The following AMPD2 variants were observed in gnomAD, a reference collection of about 807,000 sequenced individuals.
AMPD2 encodes adenosine monophosphate deaminase 2, also known as AMP deaminase 2.
In AMPD2, 52 loss-of-function variants were observed where a neutral mutation model predicts 91.3. The ratio of observed to expected loss-of-function variants is 0.57; its 90% CI spans 0.46 to 0.72. The LOEUF (loss-of-function observed/expected upper bound fraction) is 0.72, where lower values mean the gene tolerates loss of function less well. Among genes scored for constraint, AMPD2 ranks in the 30% least tolerant of loss-of-function variants. AMPD2 has a pLI of 0.00. For synonymous variants in AMPD2, 455 were observed against 456.4 expected, an observed-to-expected ratio of 1.00 and a Z score of 0.04; for missense variants, 822 against 1,122.3, an observed-to-expected ratio of 0.73 and a Z score of 3.82.
At position 109,631,768 on chromosome 1, in the gene AMPD2, G is replaced by C. The variant is rs1044846902; in HGVS notation, c.*616G>C. On this transcript the variant is annotated 3_prime_UTR_variant, in exon 19 of 19. Coordinates refer to ENST00000528667, the MANE Select transcript of AMPD2 (RefSeq NM_001368809.2). The stretch of plus-strand genomic sequence containing the variant: ...AAGTCACTGCCCAGCAGCCTTCTCC[G>C]TCCTGTCCCCAGCCCACGTGCTCCT... The C allele has an allele frequency of 6.4e-6, 1 of 157,372 alleles. No homozygotes were observed. The highest frequency in any genetic ancestry group is 2.4e-5 in the African/African-American group (1 of 41,470). The allele number at this position is 157,372 out of a possible 1,614,324, so 9.7% of individuals were successfully genotyped here. A position where few individuals can be genotyped will look rare whatever the true frequency, so the allele number is the denominator to read the frequency against.
intron 2 of AMPD2, among the ~76,000 whole-genome samples, chr1:109,621,611 A>T (rs944004767): frequency 4.6e-5 from 7 of 151,948 alleles, no homozygotes; most frequent in Non-Finnish European, 1.0e-4. Context: ...TGTGGGACTG[A>T]CTGTTTTGTG....
rs1398038490 is a variant in AMPD2, at chr1:109,626,327, A to G, written c.431A>G (p.Lys144Arg). 8.1e-6 allele frequency: 13 copies of G among 1,613,346 alleles called. No individual in the cohort carries two copies. The highest frequency in any genetic ancestry group is 1.0e-5 in the Non-Finnish European group (12 of 1,179,596). The stretch of plus-strand genomic sequence containing the variant: ...GAATGCACCCCCTGCAGGCTCTACA[A>G]GGAACAGGGTGAGGGGCAGGGTGAC... Reference protein sequence around the residue: ...TDSDSDLQLYKEQGEGQGDRS... With the variant: ...TDSDSDLQLYREQGEGQGDRS... The change falls in exon 6 of 19, where the codon AAG becomes AGG. Residue 144 changes from lysine to arginine, a missense_variant. Lys to Arg is a conservative substitution (Grantham distance 26). Around this residue, in one of 5 missense-constraint regions of AMPD2, gnomAD observed 240 missense variants for 270.3 expected, o/e 0.89. Coordinates refer to ENST00000528667, the MANE Select transcript of AMPD2 (RefSeq NM_001368809.2).
chr1:109,620,260 T>C lies in AMPD2; in HGVS notation c.-281T>C, dbSNP rs763826931. 8 of 1,613,940 alleles carry C rather than the reference T, an allele frequency of 5.0e-6. No individual in the cohort carries two copies. In the Admixed American group the frequency reaches 6.7e-5, roughly 13 times the overall value. ...CTCGTGGGCAGCCTCCCCTCGGAACTCGGGCATCATGGCCTCAGGTGAGTG... is the reference window on the plus strand; with the variant it reads ...CTCGTGGGCAGCCTCCCCTCGGAACCCGGGCATCATGGCCTCAGGTGAGTG... On this transcript the variant is annotated 5_prime_UTR_variant, in exon 1 of 19. Transcript: ENST00000528667.
In AMPD2 at chr1:109,628,968, C is replaced by A. The variant is rs1212609448; in HGVS notation, c.1572-141C>A. The stretch of plus-strand genomic sequence containing the variant: ...CCCATCCATGGTCTGTCCAGCCTGG[C>A]CCACCTGGGTATCCTTGCTTTCCCA... On this transcript the variant is annotated intron_variant, in intron 13 of 18. Coordinates refer to ENST00000528667, the MANE Select transcript of AMPD2 (RefSeq NM_001368809.2). The surrounding 1 kb of genome is among the most constrained non-coding windows in gnomAD (Gnocchi z 7.1). The A allele has an allele frequency of 2.1e-6, 3 of 1,436,832 alleles. No individual in the cohort carries two copies. Among genetic ancestry groups the A allele is most frequent in the East Asian group, 2.5e-5 (1 of 40,448 alleles). The allele number at this position is 1,436,832 out of a possible 1,614,324, so 89.0% of individuals were successfully genotyped here.
In AMPD2 at chr1:109,625,913, G is replaced by C; in HGVS notation, c.353+121G>C. The C allele has an allele frequency of 6.9e-7, 1 of 1,458,176 alleles. No individual in the cohort carries two copies. The highest frequency in any genetic ancestry group is 9.2e-7 in the Non-Finnish European group (1 of 1,081,872). The allele number at this position is 1,458,176 out of a possible 1,614,324, so 90.3% of individuals were successfully genotyped here. A position where few individuals can be genotyped will look rare whatever the true frequency, so the allele number is the denominator to read the frequency against. ...GGGGTCTGCACAGGGAGCATAGAGT[G>C]GGCTTTGGAGTCGGGCTGCTGGGTT... On this transcript the variant is annotated intron_variant, in intron 4 of 18. Coordinates refer to ENST00000528667, the MANE Select transcript of AMPD2 (RefSeq NM_001368809.2). This position sits in a 1 kb window ranked among gnomAD's most constrained non-coding sequence, Gnocchi z 4.0.
chr1:109,629,956 A>T, intron 16 of AMPD2, 40 bp downstream of exon 16: 1 of 1,566,060 alleles, frequency 6.4e-7, no homozygotes, highest in Non-Finnish European at 8.7e-7. Flanking sequence ...CCAATTGTTC[A>T]CCTTCCTCTG....
At position 109,625,859 on chromosome 1, in the gene AMPD2, C is replaced by T. The variant is rs1445392965; in HGVS notation, c.353+67C>T. The stretch of plus-strand genomic sequence containing the variant: ...TCCAGACCCTTTCAGAGCCCCTTTT[C>T]TGCCTCTTTCCCTCGCACCCTGCCT... On this transcript the variant is annotated intron_variant, in intron 4 of 18. Coordinates refer to ENST00000528667, the MANE Select transcript of AMPD2 (RefSeq NM_001368809.2). The surrounding 1 kb of genome is among the most constrained non-coding windows in gnomAD (Gnocchi z 4.0). 12 of 1,597,104 alleles carry T rather than the reference C, an allele frequency of 7.5e-6. No homozygotes were observed. Among genetic ancestry groups the T allele is most frequent in the Non-Finnish European group, 1.0e-5 (12 of 1,169,872 alleles).
chr1:109,629,289 G>T (rs1347580744), intron 14 of AMPD2, 38 bp from the exon 15 acceptor site: 1 of 1,613,998 alleles, frequency 6.2e-7, no homozygotes, highest in Non-Finnish European at 8.5e-7. Flanking sequence ...TTCGCATCCA[G>T]CTGCAGCTCT....
Position 109,626,388 on chromosome 1 carries a change from G to A in AMPD2, c.492G>A (p.Glu164=). The change falls in exon 6 of 19, where the codon GAG becomes GAA. Residue 164 remains glutamate (E), a synonymous_variant. Coordinates refer to ENST00000528667, the MANE Select transcript of AMPD2 (RefSeq NM_001368809.2). ...GGGAGCGTGATGTGCTGGAACGGGA[G>A]TTTCAGCGGGTCACCATCTCTGGGG... The part of the protein sequence containing the change: ...SLRERDVLER[E]FQRVTISGEE... 1.9e-6 allele frequency: 3 copies of A among 1,611,960 alleles called. 1 individual carries two copies. The highest frequency in any genetic ancestry group is 2.2e-5 in the South Asian group (2 of 90,976).
rs1266472912 is a variant in AMPD2 at position 109,627,185 on chromosome 1, G to T, written c.729G>T (p.Val243=). ...TCCTCACCCCTGCAGATGCCCCGGT[G>T]CACCCCCCTGCGCTGGAGCAGCACC... ...PDTPVSADAP[V]HPPALEQHPY... is the part of the protein sequence containing the mutation. The change falls in exon 8 of 19, where the codon GTG becomes GTT. Residue 243 remains valine, a synonymous_variant. Coordinates refer to ENST00000528667, the MANE Select transcript of AMPD2 (RefSeq NM_001368809.2). 1 of 1,613,166 alleles carries T rather than the reference G, an allele frequency of 6.2e-7. No individual in the cohort carries two copies. Among genetic ancestry groups the T allele is most frequent in the Non-Finnish European group, 8.5e-7 (1 of 1,179,872 alleles).
rs775128183 is a variant in AMPD2, at chr1:109,629,870, C to T, written c.1937C>T (p.Ala646Val). ...GGGCCCATCCACCACCTGGTGTCAG[C>T]CTTCATGCTGGCTGAGAACATTTCC... is the stretch of plus-strand genomic sequence containing the variant. The part of the protein sequence containing the change: ...EAGPIHHLVS[A>V]FMLAENISHG... Residue 646 changes from alanine to valine, a missense_variant, in exon 16 of 19, where the codon GCC (alanine) becomes GTC (valine). Physicochemically the swap from Ala to Val is moderately conservative, Grantham distance 64. This residue lies in a region of AMPD2 where 430 missense variants were observed against 606.0 expected (regional missense o/e 0.71). Coordinates refer to ENST00000528667, the MANE Select transcript of AMPD2 (RefSeq NM_001368809.2). The T allele has an allele frequency of 6.2e-7, 1 of 1,612,922 alleles. No individual in the cohort carries two copies. The highest frequency in any genetic ancestry group is 8.5e-7 in the Non-Finnish European group (1 of 1,179,256).
In AMPD2 at chr1:109,621,206, C is replaced by T; in HGVS notation, c.31C>T (p.Pro11Ser). ...ATCCTATCCATCTGGCTCTGGCAAGCCCAAGGCCAAATATCCCTTTAAGAA... is the reference window on the plus strand; with the variant it reads ...ATCCTATCCATCTGGCTCTGGCAAGTCCAAGGCCAAATATCCCTTTAAGAA... MASYPSGSGK[P>S]KAKYPFKKRA... The change falls in exon 2 of 19, where the codon CCC (proline) becomes TCC (serine). Residue 11 changes from proline (P) to serine (S), a missense_variant. Physicochemically the swap from Pro to Ser is moderately conservative, Grantham distance 74. Coordinates refer to ENST00000528667, the MANE Select transcript of AMPD2 (RefSeq NM_001368809.2). 1 of 1,609,998 alleles carries T rather than the reference C, an allele frequency of 6.2e-7. No individual in the cohort carries two copies. Among genetic ancestry groups the T allele is most frequent in the Non-Finnish European group, 8.5e-7 (1 of 1,178,198 alleles).
intron 2 of AMPD2, chr1:109,623,863 A>T: frequency 3.7e-6 from 1 of 266,800 alleles, no homozygotes; most frequent in Non-Finnish European, 5.8e-6. Flanking sequence ...GGCCCTCTTC[A>T]GTTCTGGAGT....
In AMPD2 at chr1:109,621,214, C is replaced by T; in HGVS notation, c.39C>T (p.Ala13=). The T allele has an allele frequency of 6.2e-7, 1 of 1,611,418 alleles. No individual in the cohort carries two copies. Among genetic ancestry groups the T allele is most frequent in the Non-Finnish European group, 8.5e-7 (1 of 1,178,926 alleles). The change falls in exon 2 of 19, where the codon GCC becomes GCT. Residue 13 remains alanine, a synonymous_variant. Transcript: ENST00000528667. ...SYPSGSGKPK[A]KYPFKKRASL... is the part of the protein sequence containing the mutation. ...CATCTGGCTCTGGCAAGCCCAAGGC[C>T]AAATATCCCTTTAAGAAGCGGGCCA...
Position 109,625,527 on chromosome 1 carries a change from C to T in AMPD2, c.222+94C>T, listed in dbSNP as rs1650593360. ...CACCTCAAGCTGTCCCCTCACCTCA[C>T]GCTTGGCTGTCTCCTGATCCTCAGC... On this transcript the variant is annotated intron_variant, in intron 3 of 18. Coordinates refer to ENST00000528667, the MANE Select transcript of AMPD2 (RefSeq NM_001368809.2). This position sits in a 1 kb window ranked among gnomAD's most constrained non-coding sequence, Gnocchi z 4.0. 1.1e-5 allele frequency: 17 copies of T among 1,598,820 alleles called. No homozygotes were observed. The highest frequency in any genetic ancestry group is 6.7e-5 in the South Asian group (6 of 89,350).
Position 109,629,740 on chromosome 1 carries a change from C to T in AMPD2, c.1863-56C>T, listed in dbSNP as rs2269341. 616,445 of 1,537,886 alleles carry T rather than the reference C, an allele frequency of 0.4. 127,736 individuals carry two copies. Among genetic ancestry groups the T allele is most frequent in the Admixed American group, 0.58 (28,570 of 49,574 alleles). ...CGTGCTGGGTGGGGGTCAGGGGCTC[C>T]GGTGAGCCCAGGTGATCCCAGGCTC... On this transcript the variant is annotated intron_variant, in intron 15 of 18. Coordinates refer to ENST00000528667, the MANE Select transcript of AMPD2 (RefSeq NM_001368809.2).
In AMPD2 at chr1:109,628,770, C is replaced by A. The variant is rs1319222460; in HGVS notation, c.1535C>A (p.Pro512His). The A allele has an allele frequency of 1.9e-6, 3 of 1,579,814 alleles. No homozygotes were observed. The highest frequency in any genetic ancestry group is 2.3e-5 in the South Asian group (2 of 87,582). The change falls in exon 13 of 19, where the codon CCC (proline) becomes CAC (histidine). Residue 512 changes from proline to histidine, a missense_variant. Around this residue, in one of 5 missense-constraint regions of AMPD2, gnomAD observed 430 missense variants for 606.0 expected, o/e 0.71. Transcript: ENST00000528667. This position sits in a 1 kb window ranked among gnomAD's most constrained non-coding sequence, Gnocchi z 7.1. ...GCCGTCATGCACCGCGTGCACTCCC[C>A]CAACGTGCGCTGGCTGGTGCAGGTG... ...RWAVMHRVHS[P>H]NVRWLVQVPR...
intron 2 of AMPD2, chr1:109,622,217 G>A (rs1650327775): frequency 2.2e-6 from 1 of 456,194 alleles, no homozygotes; most frequent in Non-Finnish European, 4.4e-6. Flanking sequence ...TGTCCTGAGG[G>A]TGTTCTCTGT....
chr1:109,628,674 A>G lies in AMPD2; in HGVS notation c.1439A>G (p.Tyr480Cys). 6.2e-7 allele frequency: 1 copy of G among 1,613,904 alleles called. No homozygotes were observed. Among genetic ancestry groups the G allele is most frequent in the Non-Finnish European group, 8.5e-7 (1 of 1,179,964 alleles). ...EVMSDLEESK[Y>C]QNAELRLSIY... ...ATGTCAGACCTGGAGGAGAGCAAAT[A>G]CCAGAATGCAGAGCTGCGGCTCTCC... is the stretch of plus-strand genomic sequence containing the variant. Residue 480 changes from tyrosine (Y) to cysteine (C), a missense_variant, in exon 13 of 19, where the codon TAC (tyrosine) becomes TGC (cysteine). Physicochemically the swap from Tyr to Cys is radical, Grantham distance 194 (BLOSUM62 -2). Transcript: ENST00000528667. This position sits in a 1 kb window ranked among gnomAD's most constrained non-coding sequence, Gnocchi z 7.1.
Sources: allele counts gnomAD v4.1 joint callset (sites outside exome capture counted in the v4.1 genomes callset), GRCh38; gene constraint gnomAD v4.1.1; regional missense constraint gnomAD v4.1.1; non-coding constraint Gnocchi (gnomAD v3.1); transcripts MANE v1.5; gene names NCBI Gene and HGNC (gene_info 2026-07-23, HGNC 2026-07-21).